The following IFT74 variants were observed in gnomAD, a reference collection of about 807,000 sequenced individuals.
IFT74 encodes intraflagellar transport 74, also known as intraflagellar transport protein 74 homolog.
In IFT74, 92 loss-of-function variants were observed where a neutral mutation model predicts 96.7. That is an observed-to-expected ratio of 0.95 (90% CI 0.80 to 1.13). The LOEUF (loss-of-function observed/expected upper bound fraction) is 1.13, where lower values mean the gene tolerates loss of function less well. IFT74 is among the 50% of genes most tolerant of loss of function. The pLI, the probability that IFT74 is intolerant of heterozygous loss-of-function variation, is 0.00. For synonymous variants in IFT74, 223 were observed against 213.2 expected, an observed-to-expected ratio of 1.05 and a Z score of -0.40; for missense variants, 811 against 698.2, an observed-to-expected ratio of 1.16 and a Z score of -1.82.
In IFT74 at chr9:27,055,664, G is replaced by A. The variant is rs75165094; in HGVS notation, c.1389G>A (p.Met463Ile). The stretch of plus-strand genomic sequence containing the variant: ...AAATGGAGCTTCTAGAAAGTAAGAT[G>A]ACTGAAGAACAGCATTCTCTAAAAA... The part of the protein sequence containing the change: ...LQKMELLESK[M>I]TEEQHSLKSK... Residue 463 changes from methionine (M) to isoleucine (I), a missense_variant, in exon 17 of 20, where the codon ATG becomes ATA. Coordinates refer to ENST00000380062, the MANE Select transcript of IFT74 (RefSeq NM_025103.4). 2 of 1,591,850 alleles carry A rather than the reference G, an allele frequency of 1.3e-6. No individual in the cohort carries two copies. The highest frequency in any genetic ancestry group is 1.8e-5 in the Admixed American group (1 of 55,280).
intron 16 of IFT74, among the ~76,000 whole-genome samples, chr9:27,054,992 T>G (rs981127029): frequency 6.6e-6 from 1 of 152,200 alleles, no homozygotes; most frequent in African/African-American, 2.4e-5. Flanking sequence ...GAGTTCAATG[T>G]TAGTGAATCT....
chr9:27,021,949 T>C (rs778004349), intron 12 of IFT74, among the ~76,000 whole-genome samples: 8 of 152,210 alleles, frequency 5.3e-5, no homozygotes, highest in Admixed American at 5.2e-4. Context: ...TCTTCTAGAA[T>C]TTGTATGGGT....
intron 15 of IFT74, 55 bp downstream of exon 15, chr9:27,047,426 T>TC: frequency 9.4e-7 from 1 of 1,068,584 alleles, no homozygotes; most frequent in Non-Finnish European, 1.4e-6. Context: ...TGATTAACTT[T>TC]CCAAATACAA....
chr9:27,007,625 T>C (rs751236840), intron 8 of IFT74, among the ~76,000 whole-genome samples: 1 of 152,166 alleles, frequency 6.6e-6, no homozygotes, highest in East Asian at 1.9e-4. Context: ...ATTTTGAGAT[T>C]TTTTTTGGTA....
chr9:26,948,971 C>A (rs1825853487), intron 1 of IFT74, among the ~76,000 whole-genome samples: 2 of 152,138 alleles, frequency 1.3e-5, no homozygotes, highest in African/African-American at 4.8e-5. Context: ...ATTCCACTTT[C>A]TCCATCTGTC....
At chr9:26,978,721 T>A (rs1380674912) in intron 3 of IFT74, among the ~76,000 whole-genome samples, 1 of 152,180 alleles carries the variant, frequency 6.6e-6, no homozygotes, top group Non-Finnish European at 1.5e-5. Context: ...CTTAAAATAC[T>A]TGTGTATTTA....
At chr9:26,947,276 C>T in intron 1 of IFT74, 1 of 536,252 alleles carries the variant, frequency 1.9e-6, no homozygotes, top group Non-Finnish European at 3.2e-6. Flanking sequence ...TCGGCCTCAG[C>T]CCTCCATGAC....
chr9:27,002,008 C>G (rs1164660436), intron 8 of IFT74, among the ~76,000 whole-genome samples: 2 of 151,542 alleles, frequency 1.3e-5, no homozygotes, highest in African/African-American at 4.9e-5. Context: ...ACAGGATGCA[C>G]GTCTGGGGGG....
chr9:27,019,821 T>C (rs1343570019), intron 12 of IFT74, among the ~76,000 whole-genome samples: 2 of 152,108 alleles, frequency 1.3e-5, no homozygotes, highest in African/African-American at 4.8e-5. Context: ...GACTCATGAC[T>C]ATGTTTAACT....
At position 27,058,026 on chromosome 9, in the gene IFT74, T is replaced by C. The variant is rs367953125; in HGVS notation, c.1623+1567T>C. Among the ~76,000 whole-genome samples the C allele has an allele frequency of 3.5e-3, 539 of 152,288 alleles. 2 individuals are homozygous for C. The highest frequency in any genetic ancestry group is 0.012 in the African/African-American group (503 of 41,566). ...CTTTGCAATCATACATCCATATTGTTTTTACAAAAAATAAAACCATGCTAT... is the reference window on the plus strand; with the variant it reads ...CTTTGCAATCATACATCCATATTGTCTTTACAAAAAATAAAACCATGCTAT... On this transcript the variant is annotated intron_variant, in intron 18 of 19. Coordinates refer to ENST00000380062, the MANE Select transcript of IFT74 (RefSeq NM_025103.4).
chr9:26,968,889 TA>T (rs1477394998), intron 2 of IFT74, among the ~76,000 whole-genome samples: 3 of 131,660 alleles, frequency 2.3e-5, no homozygotes, highest in Admixed American at 7.5e-5. Flanking sequence ...TAATCTTTTA[TA>T]TTTTTTTTGT....
intron 8 of IFT74, among the ~76,000 whole-genome samples, chr9:27,001,942 CTT>C (rs35725614): frequency 6.9e-6 from 1 of 145,032 alleles, no homozygotes; most frequent in African/African-American, 2.5e-5. Context: ...CTTTTTTTCT[CTT>C]TTTTTTTTTT....
chr9:27,055,822 T>A, intron 17 of IFT74, 50 bp downstream of exon 17: 1 of 1,216,528 alleles, frequency 8.2e-7, no homozygotes, highest in Non-Finnish European at 1.1e-6. Context: ...TGTTTTTTTC[T>A]TGATCAAATG....
chr9:27,047,323 G>A lies in IFT74; in HGVS notation c.1158G>A (p.Lys386=), dbSNP rs754298998. 18 of 1,613,374 alleles carry A rather than the reference G, an allele frequency of 1.1e-5. No individual in the cohort carries two copies. The highest frequency in any genetic ancestry group is 1.4e-5 in the Non-Finnish European group (16 of 1,179,602). The change falls in exon 15 of 20, where the codon AAG becomes AAA. Residue 386 remains lysine (K), a synonymous_variant. Coordinates refer to ENST00000380062, the MANE Select transcript of IFT74 (RefSeq NM_025103.4). ...CAAAGAATCAGGAACTGAAACGAAA[G>A]GCACAGATAGAAGCCAACATTGTTG... ...EETKNQELKR[K]AQIEANIVAL...
chr9:27,053,729 A>G (rs185948791), intron 16 of IFT74, among the ~76,000 whole-genome samples: 25 of 152,338 alleles, frequency 1.6e-4, no homozygotes, highest in Non-Finnish European at 1.5e-5. Flanking sequence ...ATCAATTTGT[A>G]TGGTTCTTAA....
chr9:26,971,437 C>T (rs1477025652), intron 2 of IFT74, among the ~76,000 whole-genome samples: 1 of 152,134 alleles, frequency 6.6e-6, no homozygotes, highest in Non-Finnish European at 1.5e-5. Context: ...TGAGACAAGA[C>T]CTCCCTCATG....
chr9:27,000,762 CA>C (rs1436488323), intron 8 of IFT74, among the ~76,000 whole-genome samples: 16 of 152,256 alleles, frequency 1.1e-4, no homozygotes, highest in African/African-American at 3.6e-4. Flanking sequence ...ATCTGTGCAG[CA>C]AACCACCGTG....
chr9:27,028,911 A>G (rs1222079633), intron 12 of IFT74, 114 bp from the exon 13 acceptor site: 13 of 900,950 alleles, frequency 1.4e-5, no homozygotes, highest in Non-Finnish European at 2.2e-5. Flanking sequence ...AATAAGACAT[A>G]TTATTTTTAG....
intron 4 of IFT74, among the ~76,000 whole-genome samples, chr9:26,983,370 T>G (rs1357738827): frequency 6.6e-6 from 1 of 152,212 alleles, no homozygotes. Flanking sequence ...ATTTGTGTAA[T>G]TGTCTGGCTC....
Sources: allele counts gnomAD v4.1 joint callset (sites outside exome capture counted in the v4.1 genomes callset), GRCh38; gene constraint gnomAD v4.1.1; transcripts MANE v1.5; gene names NCBI Gene and HGNC (gene_info 2026-07-23, HGNC 2026-07-21).